The following CROCC2 variants were observed in gnomAD, a reference collection of about 807,000 sequenced individuals.
The protein encoded by CROCC2 is ciliary rootlet coiled-coil, rootletin family member 2.
In CROCC2, 163 loss-of-function variants were observed where a neutral mutation model predicts 177.6. That is an observed-to-expected ratio of 0.92 (90% CI 0.81 to 1.05). CROCC2 has a LOEUF of 1.05. Among genes scored for constraint, CROCC2 ranks in the 50% least tolerant of loss-of-function variants. The pLI is 0.00. For synonymous variants in CROCC2, 904 were observed against 787.3 expected, an observed-to-expected ratio of 1.15 and a Z score of -2.48; for missense variants, 1,929 against 1,797.8, an observed-to-expected ratio of 1.07 and a Z score of -1.32.
intron 12 of CROCC2, 150 bp from the exon 13 acceptor site, chr2:240,934,766 A>G: frequency 1.2e-6 from 1 of 845,948 alleles, no homozygotes; most frequent in Non-Finnish European, 1.7e-6. Flanking sequence ...TGGCCCTGAG[A>G]CCTCCCCACT....
intron 10 of CROCC2, 78 bp from the exon 11 acceptor site, chr2:240,933,592 C>T: frequency 6.8e-7 from 1 of 1,461,522 alleles, no homozygotes. Flanking sequence ...ATCCACCCAG[C>T]CCCCAATGCC....
At chr2:240,940,648 C>A (rs188332326) in intron 14 of CROCC2, among the ~76,000 whole-genome samples, 1 of 152,264 alleles carries the variant, frequency 6.6e-6, no homozygotes, top group East Asian at 1.9e-4. Flanking sequence ...ATCCAGCATC[C>A]CTTTATGATT....
At chr2:240,914,969 G>A (rs2059310496) in intron 1 of CROCC2, among the ~76,000 whole-genome samples, 1 of 152,262 alleles carries the variant, frequency 6.6e-6, no homozygotes, top group African/African-American at 2.4e-5. Flanking sequence ...ATCAGCGCAA[G>A]AGCGTGGCCT....
intron 1 of CROCC2, among the ~76,000 whole-genome samples, 160 bp downstream of exon 1, chr2:240,906,751 A>G (rs1574737704): frequency 6.6e-6 from 1 of 152,230 alleles, no homozygotes; most frequent in East Asian, 1.9e-4. Context: ...GCAGCCAGTC[A>G]CGGATGCAAG....
chr2:240,949,622 C>T lies in CROCC2; in HGVS notation c.2572C>T (p.Gln858Ter). ...GCGGCTCCAGCGACAGGTGGCACAGCAGGAGCGGGAGGCACAGCGGGCCCT... is the reference window on the plus strand; with the variant it reads ...GCGGCTCCAGCGACAGGTGGCACAGTAGGAGCGGGAGGCACAGCGGGCCCT... ...TVRLQRQVAQ[Q>*]EREAQRALES... is the part of the protein sequence containing the mutation. Residue 858 changes from glutamine (Q) to a stop codon, truncating the protein, a stop_gained, in exon 17 of 32, where the codon CAG becomes TAG. Transcript: ENST00000690015. LOFTEE classifies it high-confidence loss of function. The surrounding 1 kb of genome is among the most constrained non-coding windows in gnomAD (Gnocchi z 4.5). The T allele has an allele frequency of 1.9e-6, 3 of 1,550,488 alleles. No individual in the cohort carries two copies. Among genetic ancestry groups the T allele is most frequent in the Non-Finnish European group, 2.6e-6 (3 of 1,146,956 alleles).
rs1361636625 is a variant in CROCC2, at chr2:240,918,809, G to C, written c.162G>C (p.Ser54=). ...TGCGTGGGGAAGGCCGGCAGGCCTC[G>C]CCCACCCCCGTGCCCACCCGCATCC... The part of the protein sequence containing the change: ...LTVRGEGRQA[S]PTPVPTRIRE... Residue 54 remains serine, a synonymous_variant, in exon 2 of 32, where the codon TCG becomes TCC. Transcript: ENST00000690015. This position sits in a 1 kb window ranked among gnomAD's most constrained non-coding sequence, Gnocchi z 6.3. 3.3e-6 allele frequency: 2 copies of C among 608,138 alleles called. No individual in the cohort carries two copies. The highest frequency in any genetic ancestry group is 6.0e-6 in the Non-Finnish European group (2 of 334,320). 37.7% of individuals were successfully genotyped at this position (608,138 alleles called of 1,614,324 possible).
rs2059328209 is a variant in CROCC2, at chr2:240,917,576, G to C, written c.79-1150G>C. 1.3e-5 allele frequency among the ~76,000 whole-genome samples: 2 copies of C among 152,270 alleles called. No individual in the cohort carries two copies. Among genetic ancestry groups the C allele is most frequent in the Non-Finnish European group, 2.9e-5 (2 of 68,002 alleles). On this transcript the variant is annotated intron_variant, in intron 1 of 31. Transcript: ENST00000690015. The surrounding 1 kb of genome is among the most constrained non-coding windows in gnomAD (Gnocchi z 4.9). ...AAAATCCAGGAGGCACAAGGTGGGG[G>C]AGCTGCCCTGCGGACCCCAGGGAGA...
chr2:240,973,115 A>G lies in CROCC2; in HGVS notation c.4401+4853A>G, dbSNP rs1294814885. On this transcript the variant is annotated intron_variant, in intron 27 of 31. Transcript: ENST00000690015. The surrounding 1 kb of genome is among the most constrained non-coding windows in gnomAD (Gnocchi z 4.7). ...CTTTGACACAACTTCTTTTGCTTTC[A>G]TGGGTTGGTTTTTCCCCTGTTTCAC... Among the ~76,000 whole-genome samples, 1 of 152,168 alleles carries G rather than the reference A, an allele frequency of 6.6e-6. No individual in the cohort carries two copies. The highest frequency in any genetic ancestry group is 1.9e-4 in the East Asian group (1 of 5,190).
intron 18 of CROCC2, among the ~76,000 whole-genome samples, chr2:240,954,066 C>T (rs958127363): frequency 6.6e-6 from 1 of 152,168 alleles, no homozygotes; most frequent in Admixed American, 6.5e-5. Flanking sequence ...GCCAACCGGC[C>T]TCCAGCCGAG....
chr2:240,965,388 C>A lies in CROCC2; in HGVS notation c.3473C>A (p.Thr1158Lys). The A allele has an allele frequency of 6.5e-7, 1 of 1,549,414 alleles. No homozygotes were observed. The highest frequency in any genetic ancestry group is 8.7e-7 in the Non-Finnish European group (1 of 1,146,890). Reference protein sequence around the residue: ...ELRELHRQVRTLKAENQRRSG... With the variant: ...ELRELHRQVRKLKAENQRRSG... The stretch of plus-strand genomic sequence containing the variant: ...GCGGCCCCACGCTCCCAGGTGAGGA[C>A]ACTGAAGGCCGAGAACCAGAGGAGG... The change falls in exon 23 of 32, where the codon ACA (threonine) becomes AAA (lysine). Residue 1158 changes from threonine (T) to lysine (K), a missense_variant. By Grantham distance (78) the Thr-to-Lys change is moderately conservative. This residue lies in a region of CROCC2 where 1,397 missense variants were observed against 1,239.9 expected (regional missense o/e 1.13). Coordinates refer to ENST00000690015, the MANE Select transcript of CROCC2 (RefSeq NM_001351305.2).
At chr2:240,952,498 C>A (rs942422320) in intron 18 of CROCC2, among the ~76,000 whole-genome samples, 1 of 152,226 alleles carries the variant, frequency 6.6e-6, no homozygotes, top group Non-Finnish European at 1.5e-5. Flanking sequence ...ATGCCTTGCA[C>A]AGGGTTGTGC....
chr2:240,910,045 C>A (rs1054243047), intron 1 of CROCC2, among the ~76,000 whole-genome samples: 7 of 152,150 alleles, frequency 4.6e-5, no homozygotes, highest in Non-Finnish European at 1.0e-4. Flanking sequence ...CAGCTGCTCT[C>A]CCCTCCTTTG....
intron 14 of CROCC2, among the ~76,000 whole-genome samples, chr2:240,937,313 C>T (rs1324813595): frequency 3.3e-5 from 5 of 152,028 alleles, no homozygotes; most frequent in East Asian, 1.9e-4. Context: ...ATTGGATATT[C>T]GTATGCTTTA....
At position 240,973,427 on chromosome 2, in the gene CROCC2, G is replaced by T. The variant is rs1012782766; in HGVS notation, c.4401+5165G>T. The stretch of plus-strand genomic sequence containing the variant: ...CACAGCCTCATGCCCGCTCAGAAAG[G>T]CCCCCCATGCCACCCTTGGACTGGC... On this transcript the variant is annotated intron_variant, in intron 27 of 31. Transcript: ENST00000690015. This position sits in a 1 kb window ranked among gnomAD's most constrained non-coding sequence, Gnocchi z 4.7. Among the ~76,000 whole-genome samples, 1 of 151,876 alleles carries T rather than the reference G, an allele frequency of 6.6e-6. No individual in the cohort carries two copies. The highest frequency in any genetic ancestry group is 1.5e-5 in the Non-Finnish European group (1 of 67,982).
intron 14 of CROCC2, 94 bp from the exon 15 acceptor site, chr2:240,945,966 T>C: frequency 1.0e-6 from 1 of 970,612 alleles, no homozygotes; most frequent in Non-Finnish European, 1.5e-6. Context: ...TAAAATCACT[T>C]CTTCTGAAGT....
chr2:240,916,798 C>T (rs1268272495), intron 1 of CROCC2, among the ~76,000 whole-genome samples: 1 of 152,202 alleles, frequency 6.6e-6, no homozygotes, highest in Non-Finnish European at 1.5e-5. Context: ...CAGAGCCCTT[C>T]CCAGTCTGGG....
At chr2:240,935,813 G>C (rs777831568) in intron 14 of CROCC2, among the ~76,000 whole-genome samples, 1 of 152,188 alleles carries the variant, frequency 6.6e-6, no homozygotes, top group African/African-American at 2.4e-5. Flanking sequence ...TATCCATCCC[G>C]CCACTTGGCA....
chr2:240,930,076 T>G, intron 5 of CROCC2, 90 bp from the exon 6 acceptor site: 1 of 515,488 alleles, frequency 1.9e-6, no homozygotes, highest in East Asian at 3.0e-5. Context: ...CCAGCCCCCA[T>G]GGAGAGGGAC....
intron 5 of CROCC2, among the ~76,000 whole-genome samples, chr2:240,929,532 C>G (rs2059414809): frequency 6.6e-6 from 1 of 151,980 alleles, no homozygotes; most frequent in South Asian, 2.1e-4. Flanking sequence ...TCCTCCCACT[C>G]CGCTCCGTTA....
Sources: allele counts gnomAD v4.1 joint callset (sites outside exome capture counted in the v4.1 genomes callset), GRCh38; gene constraint gnomAD v4.1.1; regional missense constraint gnomAD v4.1.1; non-coding constraint Gnocchi (gnomAD v3.1); transcripts MANE v1.5; gene names NCBI Gene and HGNC (gene_info 2026-07-23, HGNC 2026-07-21).